Variants in ABCG2 observed in about 807,000 individuals in gnomAD.
The protein encoded by ABCG2 is ATP binding cassette subfamily G member 2 (JR blood group).
A neutral mutation model predicts 73.5 loss-of-function variants in ABCG2; 80 were observed. That is an observed-to-expected ratio of 1.09 (90% CI 0.91 to 1.31). The LOEUF (loss-of-function observed/expected upper bound fraction) is 1.31. Among genes scored for constraint, ABCG2 ranks in the 50% most tolerant of loss-of-function variants. ABCG2 has a pLI of 0.00. For synonymous variants in ABCG2, 269 were observed against 282.4 expected (o/e 0.95, Z 0.48); for missense variants, 796 against 786.2 (o/e 1.01, Z -0.15).
At chr4:88,192,544 C>T (rs1043417630) in intron 1 of ABCG2, among the ~76,000 whole-genome samples, 1 of 151,646 alleles carries the variant, frequency 6.6e-6, no homozygotes, top group African/African-American at 2.4e-5. Context: ...CTCAGCCTCC[C>T]GAGTAGCTGG....
At position 88,158,610 on chromosome 4, in the gene ABCG2, C is replaced by T. The variant is rs1241461682; in HGVS notation, c.-244G>A. 4 of 456,282 alleles carry T rather than the reference C, an allele frequency of 8.8e-6. No homozygotes were observed. Among genetic ancestry groups the T allele is most frequent in the African/African-American group, 2.0e-5 (1 of 50,094 alleles). 28.3% of individuals were successfully genotyped at this position (456,282 alleles called of 1,614,324 possible). ...TCCACAGGCTGCCTCCTTGCCGCGT[C>T]TCTCAATCTCAGTGGGAGTGGCGGG... On this transcript the variant is annotated 5_prime_UTR_variant, in exon 1 of 16. Coordinates refer to ENST00000237612, the MANE Select transcript of ABCG2 (RefSeq NM_004827.3).
intron 1 of ABCG2, among the ~76,000 whole-genome samples, chr4:88,214,356 T>C (rs2110125955): frequency 6.6e-6 from 1 of 152,224 alleles, no homozygotes; most frequent in South Asian, 2.1e-4. Context: ...TTTGTTCTCT[T>C]TTACAACAAA....
At chr4:88,095,362 C>T (rs147581462) in intron 14 of ABCG2, among the ~76,000 whole-genome samples, 158 bp downstream of exon 14, 3 of 152,284 alleles carry the variant, frequency 2.0e-5, no homozygotes, top group East Asian at 1.9e-4. Flanking sequence ...CTTGTGTTAA[C>T]CAAGGCTAAC....
chr4:88,152,908 T>C (rs531320489), intron 1 of ABCG2, among the ~76,000 whole-genome samples: 21 of 151,816 alleles, frequency 1.4e-4, no homozygotes, highest in South Asian at 1.3e-3. Flanking sequence ...GAAGGAAGAT[T>C]TTGTGGTAAG....
chr4:88,112,158 G>C (rs1302541721), intron 9 of ABCG2, among the ~76,000 whole-genome samples: 2 of 151,818 alleles, frequency 1.3e-5, no homozygotes, highest in African/African-American at 4.8e-5. Flanking sequence ...CTATCACAGA[G>C]CCAACCAAGG....
At chr4:88,097,413 AAAAC>A in intron 13 of ABCG2, 36 bp downstream of exon 13, 1 of 1,595,446 alleles carries the variant, frequency 6.3e-7, no homozygotes, top group Non-Finnish European at 8.5e-7. Context: ...ATGAAGGAAA[AAAAC>A]AATTCCTTAT....
intron 1 of ABCG2, among the ~76,000 whole-genome samples, chr4:88,168,499 G>A (rs1178921061): frequency 5.1e-5 from 7 of 138,306 alleles, no homozygotes; most frequent in African/African-American, 1.4e-4. Flanking sequence ...AAAAAAAAAA[G>A]TTCATTTGGT....
chr4:88,142,652 A>C (rs915164679), intron 1 of ABCG2, among the ~76,000 whole-genome samples: 22 of 152,190 alleles, frequency 1.4e-4, no homozygotes, highest in Non-Finnish European at 2.5e-4. Context: ...CAAATCGAAA[A>C]TATTAAAAAA....
chr4:88,092,375 AG>A lies in ABCG2; in HGVS notation c.1826del (p.Thr609MetfsTer7). On this transcript the variant is annotated frameshift_variant, in exon 16 of 16. Transcript: ENST00000237612. LOFTEE classifies it high-confidence loss of function. Reference sequence around the variant, plus strand: ...CCTGCTTTACCAAATATTCTTCGCCAGTACATCTGAAATTAAACAGAAAAAG... The same window carrying A: ...CCTGCTTTACCAAATATTCTTCGCCATACATCTGAAATTAAACAGAAAAAG... ...GNNPCNYATC[T>X]GEEYLVKQGI... is the part of the protein sequence containing the mutation. 6.2e-7 allele frequency: 1 copy of A among 1,606,032 alleles called. No homozygotes were observed. The highest frequency in any genetic ancestry group is 2.2e-5 in the East Asian group (1 of 44,830).
chr4:88,098,038 G>C (rs373378928), intron 12 of ABCG2, among the ~76,000 whole-genome samples: 1 of 152,310 alleles, frequency 6.6e-6, no homozygotes, highest in South Asian at 2.1e-4. Flanking sequence ...ATCTGGGGGA[G>C]GGGGAGGGGG....
intron 10 of ABCG2, among the ~76,000 whole-genome samples, chr4:88,104,707 G>A (rs1383067621): frequency 1.3e-5 from 2 of 151,530 alleles, no homozygotes; most frequent in African/African-American, 4.8e-5. Flanking sequence ...TACAAATTAT[G>A]AGCCCAGGAG....
chr4:88,180,839 G>T (rs1047747416), intron 1 of ABCG2, among the ~76,000 whole-genome samples: 8 of 152,022 alleles, frequency 5.3e-5, no homozygotes, highest in Admixed American at 6.6e-5. Context: ...AAACTTACTG[G>T]TAATAATAAG....
At chr4:88,110,822 A>T (rs56395445) in intron 9 of ABCG2, among the ~76,000 whole-genome samples, 16,246 of 139,134 alleles carry the variant, frequency 0.12, 1,407 homozygotes, top group African/African-American at 0.24. Flanking sequence ...ACAAAAAAAA[A>T]AAATATATAT....
At chr4:88,114,901 T>C in intron 8 of ABCG2, 56 bp downstream of exon 8, 1 of 1,259,388 alleles carries the variant, frequency 7.9e-7, no homozygotes, top group Non-Finnish European at 1.1e-6. Context: ...ACCACATTGC[T>C]AAACTTCAGC....
chr4:88,203,092 C>T (rs950416398), intron 1 of ABCG2, among the ~76,000 whole-genome samples: 4 of 152,028 alleles, frequency 2.6e-5, no homozygotes, highest in African/African-American at 4.8e-5. Context: ...TTTAATGAAA[C>T]TAGTGTTCAG....
chr4:88,158,873 G>A, upstream of ABCG2: 1 of 335,316 alleles, frequency 3.0e-6, no homozygotes, highest in South Asian at 2.2e-5. Flanking sequence ...AACTTCCTAA[G>A]CCGCGCTTCG....
intron 10 of ABCG2, among the ~76,000 whole-genome samples, chr4:88,103,198 A>G (rs1722555620): frequency 6.6e-6 from 1 of 152,232 alleles, no homozygotes; most frequent in African/African-American, 2.4e-5. Context: ...TAAAAAGCTA[A>G]TTTCAGAACA....
chr4:88,177,305 C>T (rs952751363), intron 1 of ABCG2, among the ~76,000 whole-genome samples: 41 of 151,332 alleles, frequency 2.7e-4, no homozygotes, highest in Middle Eastern at 3.2e-3. Context: ...ACCCAGGAGG[C>T]GGAGCTTACA....
At chr4:88,193,700 G>A (rs1728799606) in intron 1 of ABCG2, among the ~76,000 whole-genome samples, 1 of 152,184 alleles carries the variant, frequency 6.6e-6, no homozygotes, top group African/African-American at 2.4e-5. Flanking sequence ...TGCCATGAAT[G>A]TAGATGGGAT....
Sources: gnomAD v4.1 joint callset for allele counts (sites outside exome capture counted in the v4.1 genomes callset) on GRCh38, gnomAD v4.1.1 for gene constraint, MANE v1.5 for transcripts, NCBI Gene and HGNC (gene_info 2026-07-23, HGNC 2026-07-21) for gene names.